LOXL3: variants seen among roughly 807,000 people sequenced by gnomAD.
LOXL3 encodes lysyl oxidase homolog 3.
A neutral mutation model predicts 91.8 loss-of-function variants in LOXL3; 60 were observed. That is an observed-to-expected ratio of 0.65 (90% CI 0.53 to 0.81). The LOEUF is 0.81. LOXL3 is among the 30% of genes least tolerant of loss of function. LOXL3 has a pLI of 0.00. For missense variants in LOXL3, 874 were observed against 1,000.4 expected, an observed-to-expected ratio of 0.87 and a Z score of 1.70; for synonymous variants, 355 against 387.6, an observed-to-expected ratio of 0.92 and a Z score of 0.99.
In LOXL3 at chr2:74,550,277, A is replaced by G; in HGVS notation, c.385T>C (p.Trp129Arg). Reference protein sequence around the residue: ...QSVTECASRGWGNSDCTHDED... With the variant: ...QSVTECASRGRGNSDCTHDED... ...TCGTGCGTACAGTCACTGTTCCCCC[A>G]GCCCCGGGAGGCACATTCAGTCACA... Residue 129 changes from tryptophan to arginine, a missense_variant, in exon 3 of 14, where the codon TGG becomes CGG. Trp to Arg is a moderately radical substitution (Grantham distance 101). Coordinates refer to ENST00000264094, the MANE Select transcript of LOXL3 (RefSeq NM_032603.5). 6.2e-7 allele frequency: 1 copy of G among 1,614,122 alleles called. No individual in the cohort carries two copies. Among genetic ancestry groups the G allele is most frequent in the South Asian group, 1.1e-5 (1 of 91,080 alleles).
chr2:74,537,804 A>G (rs939423491), intron 4 of LOXL3, among the ~76,000 whole-genome samples: 1 of 152,226 alleles, frequency 6.6e-6, no homozygotes, highest in Admixed American at 6.5e-5. Flanking sequence ...TATCGATACC[A>G]GTAGAATGAG....
Position 74,534,188 on chromosome 2 carries a change from G to C in LOXL3, c.1988C>G (p.Thr663Ser). Residue 663 changes from threonine (T) to serine (S), a missense_variant, in exon 12 of 14, where the codon ACT becomes AGT. Physicochemically the swap from Thr to Ser is moderately conservative, Grantham distance 58. Coordinates refer to ENST00000264094, the MANE Select transcript of LOXL3 (RefSeq NM_032603.5). ...ECANFGEQGI[T>S]VGCWDLYRHD... is the part of the protein sequence containing the mutation. ...CCGGTAGAGATCCCAGCAACCCACA[G>C]TGATGCCTTGCTCTCCAAAGTTGGC... is the stretch of plus-strand genomic sequence containing the variant. 6.2e-7 allele frequency: 1 copy of C among 1,614,196 alleles called. No homozygotes were observed. Among genetic ancestry groups the C allele is most frequent in the East Asian group, 2.2e-5 (1 of 44,880 alleles).
At position 74,536,421 on chromosome 2, in the gene LOXL3, T is replaced by A; in HGVS notation, c.963A>T (p.Glu321Asp). ...GGAHPGEGRV[E>D]VLKASTWGTV... ...TGCCCCATGTGCTGGCCTTCAGGACTTCTACCCGGCCCTCTCCAGGGTGGG... is the reference window on the plus strand; with the variant it reads ...TGCCCCATGTGCTGGCCTTCAGGACATCTACCCGGCCCTCTCCAGGGTGGG... Residue 321 changes from glutamate to aspartate, a missense_variant, in exon 6 of 14, where the codon GAA becomes GAT. Glu to Asp is a conservative substitution (Grantham distance 45). Transcript: ENST00000264094. The surrounding 1 kb of genome is among the most constrained non-coding windows in gnomAD (Gnocchi z 4.5). The A allele has an allele frequency of 6.2e-7, 1 of 1,614,114 alleles. No individual in the cohort carries two copies. The highest frequency in any genetic ancestry group is 1.1e-5 in the South Asian group (1 of 91,078).
chr2:74,534,099 C>T lies in LOXL3; in HGVS notation c.2076+1G>A. The T allele has an allele frequency of 6.2e-7, 1 of 1,614,108 alleles. No homozygotes were observed. The highest frequency in any genetic ancestry group is 1.1e-5 in the South Asian group (1 of 91,078). ...ATCTGGAAGCCCCAGACTCCAGGTA[C>T]CTGGAGAATGTAGTTTCCTGGCTTC... On this transcript the variant is annotated splice_donor_variant, in intron 12 of 13. Coordinates refer to ENST00000264094, the MANE Select transcript of LOXL3 (RefSeq NM_032603.5). LOFTEE classifies it high-confidence loss of function.
rs753192396 is a variant in LOXL3, at chr2:74,549,412, G to C, written c.649C>G (p.Leu217Val). The change falls in exon 4 of 14, where the codon CTG becomes GTG. Residue 217 changes from leucine to valine, a missense_variant. Coordinates refer to ENST00000264094, the MANE Select transcript of LOXL3 (RefSeq NM_032603.5). The surrounding 1 kb of genome is among the most constrained non-coding windows in gnomAD (Gnocchi z 5.3). ...AHNSHVVCGMLGFPSEKRVNA... is the reference protein window; with the variant it reads ...AHNSHVVCGMVGFPSEKRVNA... ...ACCCTCTTTTCGCTGGGGAAGCCCA[G>C]CATCCCGCAGACCACGTGGCTGTTG... The C allele has an allele frequency of 1.9e-6, 3 of 1,612,396 alleles. No individual in the cohort carries two copies. In the Admixed American group the frequency reaches 5.0e-5, roughly 27 times the overall value.
At chr2:74,554,675 T>G, upstream of LOXL3, 1 of 1,458,804 alleles carries the variant, frequency 6.9e-7, no homozygotes, top group Non-Finnish European at 9.4e-7. The surrounding 1 kb of genome is among the most constrained non-coding windows in gnomAD (Gnocchi z 4.9). Context: ...GGGCGGAAAC[T>G]CCTCCAGGGA....
intron 4 of LOXL3, among the ~76,000 whole-genome samples, chr2:74,543,900 C>CAAAAAAAAAAA (rs960168777): frequency 3.5e-4 from 23 of 65,092 alleles, no homozygotes; most frequent in African/African-American, 7.5e-4. Context: ...GGCTCTGTCT[C>CAAAAAAAAAAA]AAAAAAAAAA....
chr2:74,554,949 C>T, upstream of LOXL3: 1 of 1,473,250 alleles, frequency 6.8e-7, no homozygotes, highest in East Asian at 2.5e-5. The surrounding 1 kb of genome is among the most constrained non-coding windows in gnomAD (Gnocchi z 4.9). Flanking sequence ...CGTGAAGTTG[C>T]TTTGCACACT....
intron 4 of LOXL3, among the ~76,000 whole-genome samples, chr2:74,546,429 G>A (rs1232941252): frequency 1.3e-5 from 2 of 151,914 alleles, no homozygotes; most frequent in East Asian, 3.9e-4. Flanking sequence ...ATTCTTTTCC[G>A]AAGACCACCT....
Position 74,535,583 on chromosome 2 carries a change from C to G in LOXL3, c.1416+5G>C. On this transcript the variant is annotated splice_donor_5th_base_variant and intron_variant, in intron 8 of 13. Coordinates refer to ENST00000264094, the MANE Select transcript of LOXL3 (RefSeq NM_032603.5). The surrounding 1 kb of genome is among the most constrained non-coding windows in gnomAD (Gnocchi z 4.2). Reference sequence around the variant, plus strand: ...AGCCTCGGCTCCCCTTTCCTTCCCACTCACCTGCAGGCCGTGGTTGGCGTA... The same window carrying G: ...AGCCTCGGCTCCCCTTTCCTTCCCAGTCACCTGCAGGCCGTGGTTGGCGTA... The G allele has an allele frequency of 3.7e-6, 6 of 1,613,890 alleles. No homozygotes were observed. Among genetic ancestry groups the G allele is most frequent in the Non-Finnish European group, 4.2e-6 (5 of 1,180,008 alleles).
chr2:74,553,539 C>T (rs1379945003), intron 1 of LOXL3, among the ~76,000 whole-genome samples: 1 of 152,216 alleles, frequency 6.6e-6, no homozygotes, highest in African/African-American at 2.4e-5. Flanking sequence ...TGAGAACAGC[C>T]CCTCTACAGC....
chr2:74,534,280 T>G (rs1389474684), intron 11 of LOXL3, 36 bp downstream of exon 11: 2 of 1,614,044 alleles, frequency 1.2e-6, no homozygotes, highest in Non-Finnish European at 1.7e-6. Context: ...GGCTGTGCAA[T>G]GGATACCATG....
chr2:74,554,819 T>TC, upstream of LOXL3: 1 of 1,614,030 alleles, frequency 6.2e-7, no homozygotes, highest in African/African-American at 1.3e-5. This position sits in a 1 kb window ranked among gnomAD's most constrained non-coding sequence, Gnocchi z 4.9. Context: ...ACCAAGGTAG[T>TC]CTGGCGCATG....
chr2:74,554,801 G>A (rs771222739), upstream of LOXL3: 20 of 1,614,030 alleles, frequency 1.2e-5, no homozygotes, highest in South Asian at 2.2e-4. This position sits in a 1 kb window ranked among gnomAD's most constrained non-coding sequence, Gnocchi z 4.9. Flanking sequence ...CAGAGTCAGC[G>A]CTTTGGGACC....
chr2:74,552,243 G>A lies in LOXL3; in HGVS notation c.313+79C>T, dbSNP rs555905487. The A allele has an allele frequency of 3.9e-4, 528 of 1,350,070 alleles. 2 individuals carry two copies. The South Asian group carries it at 6.6e-3, about 17-fold the overall frequency. The allele number at this position is 1,350,070 out of a possible 1,614,324, so 83.6% of individuals were successfully genotyped here. On this transcript the variant is annotated intron_variant, in intron 2 of 13. Transcript: ENST00000264094. ...CTTGGTGTCGTGTGTCCCTATGGCT[G>A]TGCCATCCTCGTGTTCCCTTTCCCT...
In LOXL3 at chr2:74,533,321, C is replaced by A; in HGVS notation, c.*285G>T. On this transcript the variant is annotated 3_prime_UTR_variant, in exon 14 of 14. Transcript: ENST00000264094. Reference sequence around the variant, plus strand: ...ATTAAAGAAAATGAGCTGCTGCCATCTTTTGTGGGCAGTTAGTCAGGTGCT... The same window carrying A: ...ATTAAAGAAAATGAGCTGCTGCCATATTTTGTGGGCAGTTAGTCAGGTGCT... The A allele has an allele frequency of 1.9e-6, 1 of 531,194 alleles. No homozygotes were observed. The highest frequency in any genetic ancestry group is 3.3e-6 in the Non-Finnish European group (1 of 298,680). 32.9% of individuals were successfully genotyped at this position (531,194 alleles called of 1,614,324 possible). A position where few individuals can be genotyped will look rare whatever the true frequency, so the allele number is the denominator to read the frequency against.
chr2:74,553,433 T>G (rs1310840669), intron 1 of LOXL3, among the ~76,000 whole-genome samples: 2 of 152,032 alleles, frequency 1.3e-5, no homozygotes, highest in African/African-American at 4.8e-5. Flanking sequence ...TGGGGTAGGG[T>G]TGTCCCAGCC....
intron 4 of LOXL3, chr2:74,539,737 A>C: frequency 6.6e-6 from 1 of 152,622 alleles, no homozygotes; most frequent in East Asian, 1.9e-4. Context: ...CCATCCATCC[A>C]TCCACCTCCT....
rs2104452549 is a variant in LOXL3, at chr2:74,552,325, T to C, written c.310A>G (p.Thr104Ala). The C allele has an allele frequency of 6.3e-7, 1 of 1,597,312 alleles. No homozygotes were observed. The highest frequency in any genetic ancestry group is 8.6e-7 in the Non-Finnish European group (1 of 1,166,014). ...WTHSAKYGPG[T>A]GRIWLDNLSC... The stretch of plus-strand genomic sequence containing the variant: ...ATATGCCTGGATCATTGCTCACCTG[T>C]TCCAGGGCCATATTTGGCACTGTGG... Residue 104 changes from threonine (T) to alanine (A), a missense_variant, in exon 2 of 14, where the codon ACA becomes GCA. Thr to Ala is a moderately conservative substitution (Grantham distance 58). Transcript: ENST00000264094.
Sources: gnomAD v4.1 joint callset for allele counts (sites outside exome capture counted in the v4.1 genomes callset) on GRCh38, gnomAD v4.1.1 for gene constraint, Gnocchi (gnomAD v3.1) non-coding constraint, MANE v1.5 for transcripts, NCBI Gene and HGNC (gene_info 2026-07-23, HGNC 2026-07-21) for gene names.